DNMT1: variants seen among roughly 807,000 people sequenced by gnomAD.
DNMT1 encodes DNA (cytosine-5)-methyltransferase 1.
DNMT1 carries 24 observed loss-of-function variants against 205.3 expected under a neutral mutation model. The observed-to-expected ratio is 0.12, with a 90% CI of 0.08 to 0.16. The LOEUF is 0.16. Among genes scored for constraint, DNMT1 ranks in the 10% least tolerant of loss-of-function variants. The probability of loss-of-function intolerance (pLI) is 1.00; values close to 1 mark genes in which losing one functional copy is unlikely to be tolerated. For missense variants in DNMT1, 1,293 were observed against 2,177.7 expected, an observed-to-expected ratio of 0.59 and a Z score of 8.09; for synonymous variants, 817 against 839.8, an observed-to-expected ratio of 0.97 and a Z score of 0.47.
At chr19:10,177,847 C>T (rs1327208437) in intron 5 of DNMT1, among the ~76,000 whole-genome samples, 1 of 150,974 alleles carries the variant, frequency 6.6e-6, no homozygotes, top group Non-Finnish European at 1.5e-5. Flanking sequence ...GCACAAGAAT[C>T]ACTTGAACCC....
At chr19:10,141,398 A>T (rs2089598182) in intron 30 of DNMT1, 1 of 583,726 alleles carries the variant, frequency 1.7e-6, no homozygotes, top group Non-Finnish European at 3.1e-6. Context: ...TCTGGCTGAC[A>T]CTGAAATGCC....
intron 37 of DNMT1, 140 bp downstream of exon 37, chr19:10,136,944 TG>T: frequency 8.5e-7 from 1 of 1,174,286 alleles, no homozygotes. Flanking sequence ...CTACTCAACA[TG>T]GTCAGCAGCT....
chr19:10,165,100 T>C (rs1436573200), intron 11 of DNMT1, among the ~76,000 whole-genome samples: 1 of 151,484 alleles, frequency 6.6e-6, no homozygotes, highest in Non-Finnish European at 1.5e-5. Context: ...ACCCTATCTC[T>C]ACAAAAAATT....
chr19:10,138,609 T>C lies in DNMT1; in HGVS notation c.3949-4A>G. On this transcript the variant is annotated splice_polypyrimidine_tract_variant and splice_region_variant and intron_variant, in intron 34 of 40. Transcript: ENST00000359526. This position sits in a 1 kb window ranked among gnomAD's most constrained non-coding sequence, Gnocchi z 4.1. ...GGGCCACGCCGTACTGACCGGCCTG[T>C]GGGGGAGAAGGACGGACAACCCCAC... The C allele has an allele frequency of 1.2e-6, 2 of 1,601,654 alleles. No individual in the cohort carries two copies. Among genetic ancestry groups the C allele is most frequent in the Non-Finnish European group, 1.7e-6 (2 of 1,179,586 alleles).
rs978909501 is a variant in DNMT1 at position 10,177,798 on chromosome 19, T to C, written c.494-431A>G. The stretch of plus-strand genomic sequence containing the variant: ...ATACAAAAAAATTAGCTGGGCGTGG[T>C]GGTACACACCTATAATCCCAGCTAT... On this transcript the variant is annotated intron_variant, in intron 5 of 40. Transcript: ENST00000359526. Among the ~76,000 whole-genome samples the C allele has an allele frequency of 2.6e-5, 4 of 151,922 alleles. No individual in the cohort carries two copies. The East Asian group carries it at 5.8e-4, about 22-fold the overall frequency.
At chr19:10,188,590 G>C (rs1448534426) in intron 1 of DNMT1, among the ~76,000 whole-genome samples, 1 of 152,144 alleles carries the variant, frequency 6.6e-6, no homozygotes, top group African/African-American at 2.4e-5. Flanking sequence ...CCTGGAACCT[G>C]TGAATATATT....
In DNMT1 at chr19:10,156,738, C is replaced by G. The variant is rs2038464678; in HGVS notation, c.1281-229G>C. Among the ~76,000 whole-genome samples, 1 of 152,162 alleles carries G rather than the reference C, an allele frequency of 6.6e-6. No homozygotes were observed. The highest frequency in any genetic ancestry group is 1.5e-5 in the Non-Finnish European group (1 of 68,038). On this transcript the variant is annotated intron_variant, in intron 17 of 40. Transcript: ENST00000359526. The surrounding 1 kb of genome is among the most constrained non-coding windows in gnomAD (Gnocchi z 4.2). ...GTTCAAGTAATTCTCCTGCCTCAGC[C>G]TCCCGAGTAGCTGGGATTACAGGCC...
At chr19:10,189,304 G>C (rs2039255625) in intron 1 of DNMT1, among the ~76,000 whole-genome samples, 1 of 152,018 alleles carries the variant, frequency 6.6e-6, no homozygotes, top group African/African-American at 2.4e-5. Context: ...TGTATTTTTA[G>C]TAGAGACGGG....
rs775792625 is a variant in DNMT1, at chr19:10,140,748, A to G, written c.3523+33T>C. 5.0e-6 allele frequency: 8 copies of G among 1,613,806 alleles called. No individual in the cohort carries two copies. Among genetic ancestry groups the G allele is most frequent in the Admixed American group, 1.7e-5 (1 of 60,000 alleles). On this transcript the variant is annotated intron_variant, in intron 32 of 40. Coordinates refer to ENST00000359526, the MANE Select transcript of DNMT1 (RefSeq NM_001130823.3). The surrounding 1 kb of genome is among the most constrained non-coding windows in gnomAD (Gnocchi z 8.4). ...AGCACCTGCCCGGTCTGGGCTCACC[A>G]GGTATTCAGAGATGGAGCCTACGGG...
Position 10,137,091 on chromosome 19 carries a change from C to G in DNMT1, c.4483G>C (p.Val1495Leu). 6.2e-7 allele frequency: 1 copy of G among 1,612,002 alleles called. No homozygotes were observed. Among genetic ancestry groups the G allele is most frequent in the Non-Finnish European group, 8.5e-7 (1 of 1,179,544 alleles). The stretch of plus-strand genomic sequence containing the variant: ...CACAACTTACAGGACCCACCTTCCA[C>G]GCAGGAGCAGACCCCACGGAGGGCC... ...SGALRGVCSC[V>L]EAGKACDPAA... is the part of the protein sequence containing the mutation. Residue 1495 changes from valine to leucine, a missense_variant, in exon 37 of 41, where the codon GTG becomes CTG. Val to Leu is a conservative substitution (Grantham distance 32). Transcript: ENST00000359526. The surrounding 1 kb of genome is among the most constrained non-coding windows in gnomAD (Gnocchi z 6.4).
Position 10,182,096 on chromosome 19 carries a change from G to T in DNMT1, c.81-19C>A. 1 of 1,611,822 alleles carries T rather than the reference G, an allele frequency of 6.2e-7. No individual in the cohort carries two copies. The highest frequency in any genetic ancestry group is 1.7e-5 in the Admixed American group (1 of 59,942). ...TTTGAGCCTGGGAGGAAGAAATAGGGGAGAAAATACAAACACTTGTTAAGC... is the reference window on the plus strand; with the variant it reads ...TTTGAGCCTGGGAGGAAGAAATAGGTGAGAAAATACAAACACTTGTTAAGC... On this transcript the variant is annotated intron_variant, in intron 1 of 40. Coordinates refer to ENST00000359526, the MANE Select transcript of DNMT1 (RefSeq NM_001130823.3).
rs1434732200 is a variant in DNMT1, at chr19:10,137,724, C to G, written c.4293+108G>C. ...AAGGCTGAGGACTCGGGAGGAGGAGCCTGGGATCAGATTCCATGTCTCCCC... is the reference window on the plus strand; with the variant it reads ...AAGGCTGAGGACTCGGGAGGAGGAGGCTGGGATCAGATTCCATGTCTCCCC... On this transcript the variant is annotated intron_variant, in intron 36 of 40. Transcript: ENST00000359526. This position sits in a 1 kb window ranked among gnomAD's most constrained non-coding sequence, Gnocchi z 6.4. 7 of 1,438,464 alleles carry G rather than the reference C, an allele frequency of 4.9e-6. No homozygotes were observed. The highest frequency in any genetic ancestry group is 4.2e-5 in the African/African-American group (3 of 70,892). The allele number at this position is 1,438,464 out of a possible 1,614,324, so 89.1% of individuals were successfully genotyped here. A position where few individuals can be genotyped will look rare whatever the true frequency, so the allele number is the denominator to read the frequency against.
At position 10,138,339 on chromosome 19, in the gene DNMT1, C is replaced by T. The variant is rs1313709105; in HGVS notation, c.4115+100G>A. On this transcript the variant is annotated intron_variant, in intron 35 of 40. Coordinates refer to ENST00000359526, the MANE Select transcript of DNMT1 (RefSeq NM_001130823.3). This position sits in a 1 kb window ranked among gnomAD's most constrained non-coding sequence, Gnocchi z 4.1. ...CCGTGTGGCAGGGCAGATGCTGTAC[C>T]ATCCTCTCCTCCCCAAGCCTCACCA... 6.4e-7 allele frequency: 1 copy of T among 1,574,110 alleles called. No individual in the cohort carries two copies. Among genetic ancestry groups the T allele is most frequent in the South Asian group, 1.1e-5 (1 of 89,180 alleles).
chr19:10,159,658 C>T lies in DNMT1; in HGVS notation c.1280G>A (p.Ser427Asn), dbSNP rs777569395. ...ALPQHKLTCFSVYCKHGHLCP... is the reference protein window; with the variant it reads ...ALPQHKLTCFNVYCKHGHLCP... ...AACATGCACACGAAAGTGCACTTACCTGAAGCAGGTCAGTTTGTGCTGGGG... is the reference window on the plus strand; with the variant it reads ...AACATGCACACGAAAGTGCACTTACTTGAAGCAGGTCAGTTTGTGCTGGGG... Residue 427 changes from serine (S) to asparagine (N), a missense_variant and splice_region_variant, in exon 17 of 41, where the codon AGT becomes AAT. Physicochemically the swap from Ser to Asn is conservative, Grantham distance 46 (BLOSUM62 1). Around this residue, in one of 13 missense-constraint regions of DNMT1, gnomAD observed 120 missense variants for 315.9 expected, o/e 0.38. Coordinates refer to ENST00000359526, the MANE Select transcript of DNMT1 (RefSeq NM_001130823.3). The surrounding 1 kb of genome is among the most constrained non-coding windows in gnomAD (Gnocchi z 5.0). The T allele has an allele frequency of 6.2e-7, 1 of 1,614,204 alleles. No homozygotes were observed. Among genetic ancestry groups the T allele is most frequent in the Non-Finnish European group, 8.5e-7 (1 of 1,180,030 alleles).
intron 8 of DNMT1, among the ~76,000 whole-genome samples, chr19:10,173,627 G>A (rs1032024475): frequency 2.6e-5 from 4 of 151,844 alleles, no homozygotes; most frequent in African/African-American, 9.7e-5. Flanking sequence ...GAGTAGCTGG[G>A]ATTAAAGGCA....
intron 1 of DNMT1, among the ~76,000 whole-genome samples, chr19:10,190,020 C>T (rs1193990367): frequency 2.0e-5 from 3 of 152,046 alleles, no homozygotes; most frequent in South Asian, 2.1e-4. Context: ...GCAAGTAGGG[C>T]GGCATTTGAA....
intron 7 of DNMT1, 117 bp downstream of exon 7, chr19:10,175,423 G>T: frequency 8.8e-7 from 1 of 1,135,538 alleles, no homozygotes; most frequent in Non-Finnish European, 1.3e-6. Context: ...TCTCTGGAGA[G>T]CCCTAAATAG....
At chr19:10,173,009 C>T (rs1043459503) in intron 9 of DNMT1, 81 bp downstream of exon 9, 103 of 1,534,522 alleles carry the variant, frequency 6.7e-5, no homozygotes, top group Admixed American at 1.7e-5. Context: ...TCCCCACCCC[C>T]TGTCCCCACG....
chr19:10,149,989 T>G (rs1365736990), intron 24 of DNMT1, 21 bp from the exon 25 acceptor site: 1 of 1,604,544 alleles, frequency 6.2e-7, no homozygotes, highest in South Asian at 1.1e-5. Flanking sequence ...GAGCATAAGT[T>G]CATGGAGGAT....
Sources: allele counts gnomAD v4.1 joint callset (sites outside exome capture counted in the v4.1 genomes callset), GRCh38; gene constraint gnomAD v4.1.1; regional missense constraint gnomAD v4.1.1; non-coding constraint Gnocchi (gnomAD v3.1); transcripts MANE v1.5; gene names NCBI Gene and HGNC (gene_info 2026-07-23, HGNC 2026-07-21).